IFT81: variants seen among roughly 807,000 people sequenced by gnomAD.
The protein encoded by IFT81 is intraflagellar transport 81.
IFT81 carries 72 observed loss-of-function variants against 102.6 expected under a neutral mutation model. The ratio of observed to expected loss-of-function variants is 0.70; its 90% confidence interval spans 0.58 to 0.85. The LOEUF (loss-of-function observed/expected upper bound fraction) is 0.85, where lower values mean the gene tolerates loss of function less well. IFT81 is among the 40% of genes least tolerant of loss of function. The probability of loss-of-function intolerance (pLI) is 0.00; values close to 1 mark genes in which losing one functional copy is unlikely to be tolerated. For missense variants in IFT81, 723 were observed against 787.3 expected (o/e 0.92, Z 0.98); for synonymous variants, 237 against 242.7 (o/e 0.98, Z 0.22).
intron 11 of IFT81, among the ~76,000 whole-genome samples, chr12:110,163,594 T>C (rs996732972): frequency 1.3e-5 from 2 of 151,066 alleles, no homozygotes; most frequent in East Asian, 3.9e-4. Flanking sequence ...TTTTACGAGA[T>C]ATTATGTTCC....
intron 10 of IFT81, among the ~76,000 whole-genome samples, chr12:110,150,107 T>C (rs1895442310): frequency 6.6e-6 from 1 of 151,738 alleles, no homozygotes; most frequent in African/African-American, 2.4e-5. Flanking sequence ...TGTTTTCTTT[T>C]CTTTTCTTTT....
In IFT81 at chr12:110,135,348, C is replaced by T; in HGVS notation, c.607C>T (p.Gln203Ter). The change falls in exon 7 of 19, where the codon CAA (glutamine) becomes TAA (stop). Residue 203 changes from glutamine (Q) to a stop codon, truncating the protein, a stop_gained. Coordinates refer to ENST00000242591, the MANE Select transcript of IFT81 (RefSeq NM_014055.4). LOFTEE classifies it high-confidence loss of function. ...KKRVETAQNHQWMLKIARQLR... is the reference protein window; with the variant it reads ...KKRVETAQNH Reference sequence around the variant, plus strand: ...GTAGGTTGAGACAGCTCAGAATCATCAATGGATGCTTAAAATAGCAAGGCA... The same window carrying T: ...GTAGGTTGAGACAGCTCAGAATCATTAATGGATGCTTAAAATAGCAAGGCA... 6.2e-7 allele frequency: 1 copy of T among 1,612,046 alleles called. No individual in the cohort carries two copies. Among genetic ancestry groups the T allele is most frequent in the Non-Finnish European group, 8.5e-7 (1 of 1,178,664 alleles).
chr12:110,195,225 T>A (rs1264273653), intron 14 of IFT81, among the ~76,000 whole-genome samples: 1 of 152,172 alleles, frequency 6.6e-6, no homozygotes, highest in African/African-American at 2.4e-5. Context: ...CTTCTCTCCC[T>A]CATGTGTGTG....
At chr12:110,175,201 A>G (rs1896986631) in intron 11 of IFT81, among the ~76,000 whole-genome samples, 1 of 152,154 alleles carries the variant, frequency 6.6e-6, no homozygotes, top group Non-Finnish European at 1.5e-5. Flanking sequence ...TGTTCTAAGG[A>G]TTTGTTGCTT....
intron 11 of IFT81, among the ~76,000 whole-genome samples, chr12:110,163,456 C>T (rs1896256417): frequency 6.6e-6 from 1 of 151,904 alleles, no homozygotes; most frequent in Admixed American, 6.6e-5. Flanking sequence ...GGCCAGGCTG[C>T]TCTTGAACTC....
At chr12:110,166,920 T>G (rs756757425) in intron 11 of IFT81, among the ~76,000 whole-genome samples, 36 of 152,060 alleles carry the variant, frequency 2.4e-4, no homozygotes, top group Non-Finnish European at 4.1e-4. Context: ...ATTGATCTTA[T>G]CTTGGAAAAA....
intron 9 of IFT81, among the ~76,000 whole-genome samples, chr12:110,146,378 T>A (rs1287961749): frequency 2.6e-5 from 4 of 152,216 alleles, no homozygotes; most frequent in Non-Finnish European, 4.4e-5. Context: ...CATGAATCAT[T>A]GTAATAAATC....
chr12:110,203,614 T>C (rs768168144), intron 14 of IFT81: 5 of 405,786 alleles, frequency 1.2e-5, no homozygotes, highest in Admixed American at 3.9e-5. Flanking sequence ...TTTGGCTGTT[T>C]TATTCACTAT....
intron 12 of IFT81, among the ~76,000 whole-genome samples, chr12:110,180,908 TC>T (rs1200456424): frequency 1.3e-5 from 2 of 152,332 alleles, no homozygotes; most frequent in African/African-American, 4.8e-5. Flanking sequence ...GGCAGAAATT[TC>T]TAAGCAGCCA....
At chr12:110,179,767 T>TACAC (rs1201027708) in intron 11 of IFT81, among the ~76,000 whole-genome samples, 73 of 66,738 alleles carry the variant, frequency 1.1e-3, no homozygotes, top group Non-Finnish European at 1.7e-3. Flanking sequence ...TATATATATA[T>TACAC]ATATATACAC....
At chr12:110,185,266 A>G (rs879290295) in intron 12 of IFT81, among the ~76,000 whole-genome samples, 5 of 149,190 alleles carry the variant, frequency 3.4e-5, no homozygotes, top group Non-Finnish European at 7.5e-5. Context: ...GCTCACAGCA[A>G]CCTCCGCCCC....
intron 12 of IFT81, among the ~76,000 whole-genome samples, chr12:110,181,188 C>A (rs1052886085): frequency 1.3e-4 from 20 of 152,234 alleles, no homozygotes; most frequent in African/African-American, 4.6e-4. Context: ...GAATTTCAAC[C>A]AGTTGTGTTT....
At chr12:110,145,925 C>G (rs1895201995) in intron 9 of IFT81, among the ~76,000 whole-genome samples, 1 of 152,050 alleles carries the variant, frequency 6.6e-6, no homozygotes, top group South Asian at 2.1e-4. Context: ...ATTCTCCTGT[C>G]TCAGCCCCTG....
chr12:110,131,618 G>A (rs1894168031), intron 4 of IFT81, among the ~76,000 whole-genome samples: 1 of 152,090 alleles, frequency 6.6e-6, no homozygotes, highest in Admixed American at 6.5e-5. Flanking sequence ...AAAGTGCTAG[G>A]ATTACAGGTG....
chr12:110,131,115 C>G (rs1347265918), intron 4 of IFT81, among the ~76,000 whole-genome samples: 1 of 151,726 alleles, frequency 6.6e-6, no homozygotes, highest in Non-Finnish European at 1.5e-5. Flanking sequence ...AAACCCATCT[C>G]TACAAAAGAT....
At chr12:110,201,535 G>C (rs1459107928) in intron 14 of IFT81, among the ~76,000 whole-genome samples, 1 of 152,008 alleles carries the variant, frequency 6.6e-6, no homozygotes, top group Non-Finnish European at 1.5e-5. Flanking sequence ...GCCTCAAGCA[G>C]CTCTCTCACT....
At chr12:110,149,618 G>A (rs1895408514) in intron 10 of IFT81, among the ~76,000 whole-genome samples, 1 of 152,148 alleles carries the variant, frequency 6.6e-6, no homozygotes, top group African/African-American at 2.4e-5. Context: ...GCAGATAGGG[G>A]AGCCCGAAGG....
intron 18 of IFT81, among the ~76,000 whole-genome samples, 186 bp from the exon 19 acceptor site, chr12:110,217,858 A>G (rs531016889): frequency 2.4e-3 from 362 of 152,202 alleles, no homozygotes; most frequent in African/African-American, 8.5e-3. Context: ...AGGTTTACAG[A>G]CATGAGCCAC....
chr12:110,209,141 T>A (rs1330310485), intron 17 of IFT81, 30 bp from the exon 18 acceptor site: 3 of 1,297,408 alleles, frequency 2.3e-6, no homozygotes, highest in Non-Finnish European at 3.3e-6. Context: ...TGAAGTAAAT[T>A]GAAAGTAAAT....
Sources: allele counts gnomAD v4.1 joint callset (sites outside exome capture counted in the v4.1 genomes callset), GRCh38; gene constraint gnomAD v4.1.1; transcripts MANE v1.5; gene names NCBI Gene and HGNC (gene_info 2026-07-23, HGNC 2026-07-21).